LIN9: variants seen among roughly 807,000 people sequenced by gnomAD.
LIN9 encodes the protein lin-9 DREAM MuvB core complex component.
LIN9 carries 18 observed loss-of-function variants against 78.0 expected under a neutral mutation model. The observed-to-expected ratio is 0.23, with a 90% confidence interval of 0.16 to 0.34. The LOEUF is 0.34. LIN9 is among the 10% of genes least tolerant of loss of function. The pLI, the probability that LIN9 is intolerant of heterozygous loss-of-function variation, is 1.00. For synonymous variants in LIN9, 192 were observed against 215.2 expected (o/e 0.89, Z 0.94); for missense variants, 451 against 644.1 (o/e 0.70, Z 3.25).
At chr1:226,235,877 T>C (rs1372642146) in intron 12 of LIN9, among the ~76,000 whole-genome samples, 1 of 152,202 alleles carries the variant, frequency 6.6e-6, no homozygotes, top group Non-Finnish European at 1.5e-5. Context: ...TCTGCTTCCT[T>C]TTGAAAAATT....
At position 226,292,634 on chromosome 1, in the gene LIN9, T is replaced by A. The variant is rs571443582; in HGVS notation, c.264+3208A>T. On this transcript the variant is annotated intron_variant, in intron 4 of 14. Coordinates refer to ENST00000681046, the MANE Select transcript of LIN9 (RefSeq NM_001366245.2). ...ATGCCTGGCTAATTTTTAAAAAAAA[T>A]TTTTTTTGTAGAGACAGGGTCTCAC... Among the ~76,000 whole-genome samples the A allele has an allele frequency of 2.3e-3, 345 of 150,650 alleles. 1 individual carries two copies. Among genetic ancestry groups the A allele is most frequent in the African/African-American group, 7.7e-3 (318 of 41,368 alleles).
At position 226,309,118 on chromosome 1, in the gene LIN9, G is replaced by A; in HGVS notation, c.22C>T (p.Pro8Ser). Residue 8 changes from proline (P) to serine (S), a missense_variant, in exon 1 of 15, where the codon CCT (proline) becomes TCT (serine). Physicochemically the swap from Pro to Ser is moderately conservative, Grantham distance 74 (BLOSUM62 -1). Transcript: ENST00000681046. MAELDQLPDESSSAKALV... is the reference protein window; with the variant it reads MAELDQLSDESSSAKALV... ...TTGAGGTGCTACTCACTCTCGTCAG[G>A]CAACTGGTCGAGCTCCGCCATCTTG... 7.5e-7 allele frequency: 1 copy of A among 1,339,710 alleles called. No homozygotes were observed. Among genetic ancestry groups the A allele is most frequent in the Non-Finnish European group, 9.7e-7 (1 of 1,033,176 alleles). 83.0% of individuals were successfully genotyped at this position (1,339,710 alleles called of 1,614,324 possible).
At chr1:226,308,769 G>C (rs1663087277) in intron 1 of LIN9, 1 of 177,828 alleles carries the variant, frequency 5.6e-6, no homozygotes. Context: ...CAGGCGGCGA[G>C]GACAGCCCCC....
chr1:226,286,110 T>C (rs74540396), intron 6 of LIN9, among the ~76,000 whole-genome samples: 2 of 152,286 alleles, frequency 1.3e-5, no homozygotes, highest in Admixed American at 1.3e-4. Flanking sequence ...CTATTATTTA[T>C]TGATTTTATT....
At chr1:226,277,216 GAAAAAAA>G (rs71168975) in intron 7 of LIN9, among the ~76,000 whole-genome samples, 180 of 91,506 alleles carry the variant, frequency 2.0e-3, no homozygotes, top group Non-Finnish European at 3.1e-3. Context: ...GTCTCAAAAA[GAAAAAAA>G]AAAAAAAAAA....
chr1:226,284,521 C>G (rs1661276238), intron 6 of LIN9, among the ~76,000 whole-genome samples: 1 of 152,094 alleles, frequency 6.6e-6, no homozygotes, highest in South Asian at 2.1e-4. Context: ...GTCAGGAGTT[C>G]AAAACCAGCC....
intron 11 of LIN9, among the ~76,000 whole-genome samples, chr1:226,245,431 C>CTT (rs772822981): frequency 0.7 from 105,189 of 150,500 alleles, 36,894 homozygotes; most frequent in East Asian, 0.73. Context: ...TCTTTTTTCC[C>CTT]CCCCCCCAAG....
upstream of LIN9, chr1:226,309,377 CGGGAGGAA>C (rs1213533766): frequency 4.3e-5 from 42 of 987,348 alleles, no homozygotes; most frequent in Middle Eastern, 5.1e-4. Context: ...CCGAGCCGGG[CGGGAGGAA>C]GGGAGGAAGG....
In LIN9 at chr1:226,244,551, G is replaced by T. The variant is rs370991736; in HGVS notation, c.1120-5455C>A. On this transcript the variant is annotated intron_variant, in intron 11 of 14. Coordinates refer to ENST00000681046, the MANE Select transcript of LIN9 (RefSeq NM_001366245.2). The stretch of plus-strand genomic sequence containing the variant: ...CTAATACATTCTGATAAAAAACCAG[G>T]TATGATCACAAAGTAATGAAAGATT... 1.4e-4 allele frequency among the ~76,000 whole-genome samples: 22 copies of T among 152,292 alleles called. No individual in the cohort carries two copies. In the East Asian group the frequency reaches 3.5e-3, roughly 24 times the overall value.
At chr1:226,280,730 A>AG (rs1660994903) in intron 6 of LIN9, among the ~76,000 whole-genome samples, 1 of 152,130 alleles carries the variant, frequency 6.6e-6, no homozygotes, top group Non-Finnish European at 1.5e-5. Flanking sequence ...AGCCGAAATC[A>AG]CACCACTGCA....
In LIN9 at chr1:226,231,418, T is replaced by C. The variant is rs1005874394; in HGVS notation, c.*1083A>G. Reference sequence around the variant, plus strand: ...CATCTAAAGGAATTAAAACCACCTCTACAGCTATATCTTAAACTCCAAATT... The same window carrying C: ...CATCTAAAGGAATTAAAACCACCTCCACAGCTATATCTTAAACTCCAAATT... On this transcript the variant is annotated 3_prime_UTR_variant, in exon 15 of 15. Transcript: ENST00000681046. 1 of 152,560 alleles carries C rather than the reference T, an allele frequency of 6.6e-6. No homozygotes were observed. Among genetic ancestry groups the C allele is most frequent in the East Asian group, 1.9e-4 (1 of 5,202 alleles). The allele number at this position is 152,560 out of a possible 1,614,324, so 9.5% of individuals were successfully genotyped here.
intron 6 of LIN9, among the ~76,000 whole-genome samples, chr1:226,279,683 G>C (rs983685526): frequency 6.7e-6 from 1 of 148,802 alleles, no homozygotes; most frequent in Non-Finnish European, 1.5e-5. Context: ...GCTGAGGCGG[G>C]AGGATTGTTT....
At chr1:226,257,100 C>T (rs1264956792) in intron 10 of LIN9, among the ~76,000 whole-genome samples, 2 of 151,934 alleles carry the variant, frequency 1.3e-5, no homozygotes, top group Non-Finnish European at 2.9e-5. Context: ...ACTATAAATG[C>T]CACCAGGCCC....
rs1480808918 is a variant in LIN9, at chr1:226,301,180, A to G, written c.57T>C (p.Ser19=). 1.9e-6 allele frequency: 3 copies of G among 1,602,146 alleles called. No individual in the cohort carries two copies. Among genetic ancestry groups the G allele is most frequent in the Non-Finnish European group, 2.5e-6 (3 of 1,177,342 alleles). The change falls in exon 2 of 15, where the codon AGT becomes AGC. Residue 19 remains serine, a synonymous_variant. Coordinates refer to ENST00000681046, the MANE Select transcript of LIN9 (RefSeq NM_001366245.2). ...AAATGCTATACTTCTTACCTTTTAAACTGACAAGGGCTTTTGCTGAAGAGC... is the reference window on the plus strand; with the variant it reads ...AAATGCTATACTTCTTACCTTTTAAGCTGACAAGGGCTTTTGCTGAAGAGC... ...DESSSAKALV[S]LKEGSLSNTW... is the part of the protein sequence containing the mutation.
upstream of LIN9, chr1:226,309,398 G>A (rs1663154037): frequency 1.0e-6 from 1 of 992,068 alleles, no homozygotes; most frequent in Middle Eastern, 4.9e-4. Context: ...GAGGAAGGAG[G>A]CCGCACGGCG....
intron 6 of LIN9, among the ~76,000 whole-genome samples, chr1:226,279,608 C>CAAAAAAAA (rs56886138): frequency 7.7e-5 from 5 of 64,826 alleles, no homozygotes; most frequent in East Asian, 5.5e-4. Context: ...GCCAAAAATA[C>CAAAAAAAA]AAAAAAAAAA....
rs138670617 is a variant in LIN9, at chr1:226,297,875, A to T, written c.65-62T>A. 1.0e-3 allele frequency: 845 copies of T among 823,970 alleles called. 4 individuals carry two copies. Among genetic ancestry groups the T allele is most frequent in the African/African-American group, 9.8e-3 (568 of 57,912 alleles). 51.0% of individuals were successfully genotyped at this position (823,970 alleles called of 1,614,324 possible). A position where few individuals can be genotyped will look rare whatever the true frequency, so the allele number is the denominator to read the frequency against. ...TAGTTCAAAGGATTTCATACCATGA[A>T]TACTGTTTTTTTCATAACAGCCATA... On this transcript the variant is annotated intron_variant, in intron 2 of 14. Coordinates refer to ENST00000681046, the MANE Select transcript of LIN9 (RefSeq NM_001366245.2).
chr1:226,259,853 C>T (rs1191329934), intron 10 of LIN9, among the ~76,000 whole-genome samples: 1 of 150,890 alleles, frequency 6.6e-6, no homozygotes, highest in Non-Finnish European at 1.5e-5. Flanking sequence ...AAGCTTCCAC[C>T]TTAGGAAACT....
chr1:226,245,226 A>G (rs1371216777), intron 11 of LIN9, among the ~76,000 whole-genome samples: 1 of 152,162 alleles, frequency 6.6e-6, no homozygotes, highest in Non-Finnish European at 1.5e-5. Context: ...TAAACTGTCA[A>G]TTTTTGTGCT....
Sources: allele counts gnomAD v4.1 joint callset (sites outside exome capture counted in the v4.1 genomes callset), GRCh38; gene constraint gnomAD v4.1.1; transcripts MANE v1.5; gene names NCBI Gene and HGNC (gene_info 2026-07-23, HGNC 2026-07-21).